The following ACOT7 variants were observed in gnomAD, a reference collection of about 807,000 sequenced individuals.
ACOT7 encodes acyl-CoA thioesterase 7, also known as cytosolic acyl coenzyme A thioester hydrolase.
In ACOT7, 12 loss-of-function variants were observed where a neutral mutation model predicts 40.2. The observed-to-expected ratio is 0.30, with a 90% confidence interval of 0.19 to 0.48. The LOEUF is 0.48. ACOT7 is among the 20% of genes least tolerant of loss of function. The pLI is 0.99. For synonymous variants in ACOT7, 228 were observed against 219.5 expected (o/e 1.04, Z -0.34); for missense variants, 395 against 530.8 (o/e 0.74, Z 2.51).
At chr1:6,380,424 C>T (rs1642312871) in intron 1 of ACOT7, among the ~76,000 whole-genome samples, 2 of 150,682 alleles carry the variant, frequency 1.3e-5, no homozygotes, top group Non-Finnish European at 3.0e-5. Context: ...ATGGTGAAAC[C>T]CCCCGTCTCT....
At chr1:6,357,929 T>A (rs1413404357) in intron 1 of ACOT7, among the ~76,000 whole-genome samples, 1 of 151,222 alleles carries the variant, frequency 6.6e-6, no homozygotes, top group Non-Finnish European at 1.5e-5. Context: ...TGCAGTGGCG[T>A]GATCTTGGCT....
At position 6,306,662 on chromosome 1, in the gene ACOT7, C is replaced by T; in HGVS notation, c.713-11682G>A. 2 of 985,392 alleles carry T rather than the reference C, an allele frequency of 2.0e-6. No individual in the cohort carries two copies. Among genetic ancestry groups the T allele is most frequent in the Non-Finnish European group, 2.4e-6 (2 of 829,920 alleles). The allele number at this position is 985,392 out of a possible 1,614,324, so 61.0% of individuals were successfully genotyped here. A position where few individuals can be genotyped will look rare whatever the true frequency, so the allele number is the denominator to read the frequency against. On this transcript the variant is annotated intron_variant, in intron 6 of 8. Coordinates refer to ENST00000361521, the MANE Select transcript of ACOT7 (RefSeq NM_007274.4). This position sits in a 1 kb window ranked among gnomAD's most constrained non-coding sequence, Gnocchi z 4.3. ...AGCTTCACGAGGAAGAAAGCGGCGT[C>T]CCAAAGCATTTGTTTGTTCACCTCT...
At chr1:6,351,962 A>G (rs1169139687) in intron 1 of ACOT7, among the ~76,000 whole-genome samples, 2 of 152,190 alleles carry the variant, frequency 1.3e-5, no homozygotes, top group Non-Finnish European at 2.9e-5. Flanking sequence ...CAAAGTGAGG[A>G]CTCGGCACTT....
In ACOT7 at chr1:6,278,478, T is replaced by C. The variant is rs1639264345; in HGVS notation, c.1014+2624A>G. ...GAGCGGCACTGGGTGGGCGTGGGCA[T>C]GGGGGGAGTAGGGAGGAGCCAGCTG... On this transcript the variant is annotated intron_variant, in intron 8 of 8. Transcript: ENST00000361521. The surrounding 1 kb of genome is among the most constrained non-coding windows in gnomAD (Gnocchi z 4.1). Among the ~76,000 whole-genome samples the C allele has an allele frequency of 6.6e-6, 1 of 151,592 alleles. No individual in the cohort carries two copies. The highest frequency in any genetic ancestry group is 1.5e-5 in the Non-Finnish European group (1 of 67,896).
At chr1:6,332,565 C>G (rs1382357297) in intron 4 of ACOT7, among the ~76,000 whole-genome samples, 1 of 152,168 alleles carries the variant, frequency 6.6e-6, no homozygotes, top group Non-Finnish European at 1.5e-5. Context: ...CCTGTAATCC[C>G]AGCACTTTGG....
At chr1:6,312,857 T>C (rs1477757744) in intron 6 of ACOT7, among the ~76,000 whole-genome samples, 1 of 152,100 alleles carries the variant, frequency 6.6e-6, no homozygotes, top group Admixed American at 6.5e-5. Flanking sequence ...AAAAATTTTT[T>C]AAAAAGCTGT....
At chr1:6,350,311 C>T (rs770861260) in intron 1 of ACOT7, among the ~76,000 whole-genome samples, 4 of 152,196 alleles carry the variant, frequency 2.6e-5, no homozygotes, top group African/African-American at 7.2e-5. Context: ...CAGGTAGCCA[C>T]GGCTGTTCTG....
chr1:6,268,275 G>T (rs1638911505), intron 8 of ACOT7, among the ~76,000 whole-genome samples: 1 of 152,212 alleles, frequency 6.6e-6, no homozygotes, highest in Non-Finnish European at 1.5e-5. Flanking sequence ...AACCTCCACA[G>T]TTGAGAGCTC....
Position 6,386,081 on chromosome 1 carries a change from C to T in ACOT7, c.143+7176G>A, listed in dbSNP as rs188805875. The stretch of plus-strand genomic sequence containing the variant: ...CAGGCAAGTAGAAGAATGAGTTCCA[C>T]CTGGGCGGAGTTCCACCTGGGCAGA... On this transcript the variant is annotated intron_variant, in intron 1 of 8. Transcript: ENST00000361521. Among the ~76,000 whole-genome samples, 8 of 152,310 alleles carry T rather than the reference C, an allele frequency of 5.3e-5. No individual in the cohort carries two copies. The East Asian group carries it at 1.4e-3, about 26-fold the overall frequency.
intron 5 of ACOT7, among the ~76,000 whole-genome samples, chr1:6,325,385 G>A (rs1465411143): frequency 6.8e-6 from 1 of 146,988 alleles, no homozygotes; most frequent in Non-Finnish European, 1.5e-5. Flanking sequence ...AGGATAGAGC[G>A]AGATTCTGCC....
chr1:6,369,241 A>G (rs937858100), intron 1 of ACOT7, among the ~76,000 whole-genome samples: 4 of 152,106 alleles, frequency 2.6e-5, no homozygotes, highest in African/African-American at 9.7e-5. Flanking sequence ...TTGACCTCCC[A>G]AAGTGTTGGG....
At chr1:6,356,180 G>T (rs1641738648) in intron 1 of ACOT7, among the ~76,000 whole-genome samples, 2 of 152,142 alleles carry the variant, frequency 1.3e-5, no homozygotes, top group African/African-American at 4.8e-5. Context: ...AGACACAGGA[G>T]GTCCAGGTGA....
At chr1:6,365,044 T>C (rs977805074) in intron 1 of ACOT7, among the ~76,000 whole-genome samples, 1 of 149,708 alleles carries the variant, frequency 6.7e-6, no homozygotes, top group Non-Finnish European at 1.5e-5. Flanking sequence ...AGGAAAGGAA[T>C]GAATAACTGA....
intron 2 of ACOT7, 50 bp downstream of exon 2, chr1:6,349,699 C>T: frequency 6.4e-7 from 1 of 1,560,530 alleles, no homozygotes; most frequent in Non-Finnish European, 8.7e-7. Flanking sequence ...GTCCTGAACT[C>T]ACACTGGTGC....
intron 5 of ACOT7, 90 bp downstream of exon 5, chr1:6,327,209 G>T: frequency 2.3e-6 from 3 of 1,320,804 alleles, no homozygotes; most frequent in Non-Finnish European, 3.2e-6. Flanking sequence ...GGAACCTCAA[G>T]CATGAGGCTC....
intron 4 of ACOT7, among the ~76,000 whole-genome samples, chr1:6,329,747 C>T (rs886819476): frequency 1.3e-5 from 2 of 152,050 alleles, no homozygotes; most frequent in Admixed American, 6.6e-5. Flanking sequence ...CAGCAGACAG[C>T]GTGGCCCAAA....
Position 6,393,388 on chromosome 1 carries a change from G to C in ACOT7, c.12C>G (p.Pro4=), listed in dbSNP as rs752070114. 4.9e-6 allele frequency: 6 copies of C among 1,230,964 alleles called. No homozygotes were observed. The highest frequency in any genetic ancestry group is 6.1e-6 in the Non-Finnish European group (6 of 983,842). 76.3% of individuals were successfully genotyped at this position (1,230,964 alleles called of 1,614,324 possible). Residue 4 remains proline (P), a synonymous_variant, in exon 1 of 9, where the codon CCC becomes CCG. Transcript: ENST00000361521. MAR[P]GLIHSAPGLP... The stretch of plus-strand genomic sequence containing the variant: ...GGCCCGGCGCGGAATGAATGAGCCC[G>C]GGCCGCGCCATAAAGGGGGAGGGCA...
rs576817590 is a variant in ACOT7 at position 6,312,495 on chromosome 1, G to T, written c.712+5997C>A. Among the ~76,000 whole-genome samples, 7 of 138,840 alleles carry T rather than the reference G, an allele frequency of 5.0e-5. No homozygotes were observed. In the Admixed American group the frequency reaches 5.6e-4, roughly 11 times the overall value. The allele number at this position is 138,840 out of a possible 152,430, so 91.1% of individuals were successfully genotyped here. ...TTTCTTTATTTCGAGGCAGAGTCTCGCTCTGTCACCCAGGCTGGCTGGATT... is the reference window on the plus strand; with the variant it reads ...TTTCTTTATTTCGAGGCAGAGTCTCTCTCTGTCACCCAGGCTGGCTGGATT... On this transcript the variant is annotated intron_variant, in intron 6 of 8. Coordinates refer to ENST00000361521, the MANE Select transcript of ACOT7 (RefSeq NM_007274.4).
intron 8 of ACOT7, among the ~76,000 whole-genome samples, chr1:6,276,598 A>C (rs1217361087): frequency 6.6e-6 from 1 of 151,570 alleles, no homozygotes; most frequent in African/African-American, 2.4e-5. Context: ...GGGATGAGGG[A>C]GGCGACTGGG....
Sources: allele counts gnomAD v4.1 joint callset (sites outside exome capture counted in the v4.1 genomes callset), GRCh38; gene constraint gnomAD v4.1.1; non-coding constraint Gnocchi (gnomAD v3.1); transcripts MANE v1.5; gene names NCBI Gene and HGNC (gene_info 2026-07-23, HGNC 2026-07-21).